Variants in MTO1 observed in about 807,000 individuals in gnomAD.
The protein encoded by MTO1 is mitochondrial tRNA translation optimization 1.
In MTO1, 46 loss-of-function variants were observed where a neutral mutation model predicts 71.6. That is an observed-to-expected ratio of 0.64 (90% CI 0.51 to 0.82). MTO1 has a LOEUF of 0.82. MTO1 is among the 40% of genes least tolerant of loss of function. MTO1 has a pLI of 0.00. For missense variants in MTO1, 773 were observed against 867.5 expected (o/e 0.89, Z 1.37); for synonymous variants, 297 against 312.1 (o/e 0.95, Z 0.51).
At chr6:73,466,468 A>G (rs1185999808) in intron 2 of MTO1, 21 bp from the exon 3 acceptor site, 4 of 1,613,350 alleles carry the variant, frequency 2.5e-6, no homozygotes, top group Non-Finnish European at 8.5e-7. Context: ...CCATGTTTCA[A>G]CTGGCATTTT....
In MTO1 at chr6:73,504,540, T is replaced by C. The variant is rs1040171431; in HGVS notation, c.*3805T>C. On this transcript the variant is annotated 3_prime_UTR_variant, in exon 12 of 12. Transcript: ENST00000498286. ...GCTTTTTAAATAGATTAATGAATAC[T>C]ACTAAAGGCAAGAAATGGTATTACT... 6.6e-6 allele frequency: 1 copy of C among 152,220 alleles called. No individual in the cohort carries two copies. The highest frequency in any genetic ancestry group is 1.5e-5 in the Non-Finnish European group (1 of 68,050). 9.4% of individuals were successfully genotyped at this position (152,220 alleles called of 1,614,324 possible).
At position 73,473,516 on chromosome 6, in the gene MTO1, G is replaced by T. The variant is rs748233496; in HGVS notation, c.687G>T (p.Gly229=). The T allele has an allele frequency of 2.5e-6, 4 of 1,614,038 alleles. No individual in the cohort carries two copies. The highest frequency in any genetic ancestry group is 1.7e-5 in the Admixed American group (1 of 59,986). Reference sequence around the variant, plus strand: ...TGGCTCAGACACTGGAGAAGTTAGGGTTTGTGGTGGGAAGGTTGAAGACTG... The same window carrying T: ...TGGCTCAGACACTGGAGAAGTTAGGTTTTGTGGTGGGAAGGTTGAAGACTG... ...IGLAQTLEKL[G]FVVGRLKTGT... Residue 229 remains glycine, a synonymous_variant, in exon 4 of 12, where the codon GGG becomes GGT. Transcript: ENST00000498286.
chr6:73,490,279 A>G (rs1195458116), intron 9 of MTO1, among the ~76,000 whole-genome samples: 1 of 151,980 alleles, frequency 6.6e-6, no homozygotes, highest in Non-Finnish European at 1.5e-5. Context: ...GCTGTGTATG[A>G]GCTCTTTAGT....
At chr6:73,484,854 A>G (rs544861648) in intron 9 of MTO1, among the ~76,000 whole-genome samples, 2 of 151,956 alleles carry the variant, frequency 1.3e-5, no homozygotes, top group African/African-American at 4.8e-5. Context: ...CCAGAAGTCA[A>G]GACCAGACAT....
At position 73,476,688 on chromosome 6, in the gene MTO1, T is replaced by A. The variant is rs1771332890; in HGVS notation, c.825+3034T>A. Among the ~76,000 whole-genome samples, 3 of 152,240 alleles carry A rather than the reference T, an allele frequency of 2.0e-5. No homozygotes were observed. In the East Asian group the frequency reaches 5.8e-4, roughly 29 times the overall value. The stretch of plus-strand genomic sequence containing the variant: ...AGTAAATTGCAGAGATGATGAGCTC[T>A]TACCTTAAGCCTATATCTCAACTAA... On this transcript the variant is annotated intron_variant, in intron 4 of 11. Transcript: ENST00000498286.
rs145625396 is a variant in MTO1, at chr6:73,461,903, A to G, written c.49A>G (p.Lys17Glu). The G allele has an allele frequency of 5.7e-5, 92 of 1,614,162 alleles. No homozygotes were observed. The African/African-American group carries it at 1.1e-3, about 19-fold the overall frequency. Residue 17 changes from lysine (K) to glutamate (E), a missense_variant, in exon 1 of 12, where the codon AAG (lysine) becomes GAG (glutamate). By Grantham distance (56) the Lys-to-Glu change is moderately conservative. Coordinates refer to ENST00000498286, the MANE Select transcript of MTO1 (RefSeq NM_012123.4). ...CCGTTGGGTCGCGGTTTCCTTCACCAAGCAGCAATTTCCGTTGGCACGGTT... is the reference window on the plus strand; with the variant it reads ...CCGTTGGGTCGCGGTTTCCTTCACCGAGCAGCAATTTCCGTTGGCACGGTT... ...CGRWVAVSFT[K>E]QQFPLARLSS...
chr6:73,493,380 G>A (rs1771881964), intron 10 of MTO1, among the ~76,000 whole-genome samples: 1 of 150,970 alleles, frequency 6.6e-6, no homozygotes, highest in Admixed American at 6.6e-5. Context: ...GTGTGTGTGT[G>A]TGTGTGTGTT....
intron 1 of MTO1, among the ~76,000 whole-genome samples, chr6:73,464,859 A>AAAC (rs1561938551): frequency 1.8e-4 from 25 of 135,872 alleles, no homozygotes; most frequent in African/African-American, 6.3e-4. Flanking sequence ...AAAAAAAAAA[A>AAAC]AACTTTTGGA....
intron 4 of MTO1, 44 bp downstream of exon 4, chr6:73,473,698 A>G (rs751268992): frequency 2.2e-5 from 30 of 1,380,776 alleles, no homozygotes; most frequent in African/African-American, 8.9e-5. Context: ...GGTATTGGCT[A>G]TTCACAGCAG....
Position 73,497,754 on chromosome 6 carries a change from TG to T in MTO1, c.1776del (p.Leu592PhefsTer8). ...LKIEATYESV[L>X]FHQLQEIKGV... is the part of the protein sequence containing the mutation. Reference sequence around the variant, plus strand: ...TGACCAGCCACTTATGAATCAGTGTTGTTCCATCAACTACAAGAAATAAAGG... The same window carrying T: ...TGACCAGCCACTTATGAATCAGTGTTTTCCATCAACTACAAGAAATAAAGG... On this transcript the variant is annotated frameshift_variant, in exon 11 of 12. Transcript: ENST00000498286. LOFTEE classifies it high-confidence loss of function. 6.2e-7 allele frequency: 1 copy of T among 1,613,954 alleles called. No homozygotes were observed. The highest frequency in any genetic ancestry group is 8.5e-7 in the Non-Finnish European group (1 of 1,179,870).
chr6:73,498,793 C>T (rs62438385), intron 11 of MTO1, among the ~76,000 whole-genome samples: 23,427 of 151,476 alleles, frequency 0.15, 1,875 homozygotes, highest in East Asian at 0.22. Flanking sequence ...GGAACGATCT[C>T]GGCTCACTGC....
At position 73,507,838 on chromosome 6, in the gene MTO1, G is replaced by C. The variant is rs1272265073; in HGVS notation, c.*7103G>C. The C allele has an allele frequency of 6.6e-6, 1 of 152,126 alleles. No homozygotes were observed. The highest frequency in any genetic ancestry group is 1.5e-5 in the Non-Finnish European group (1 of 68,022). 9.4% of individuals were successfully genotyped at this position (152,126 alleles called of 1,614,324 possible). ...TAAAAATACGAAAAATTAGCCGGGTGTGGTGGTGCGCGCCTGTAGTCCCAG... is the reference window on the plus strand; with the variant it reads ...TAAAAATACGAAAAATTAGCCGGGTCTGGTGGTGCGCGCCTGTAGTCCCAG... On this transcript the variant is annotated 3_prime_UTR_variant, in exon 12 of 12. Coordinates refer to ENST00000498286, the MANE Select transcript of MTO1 (RefSeq NM_012123.4).
At chr6:73,493,185 G>T (rs562384143) in intron 10 of MTO1, among the ~76,000 whole-genome samples, 2 of 151,460 alleles carry the variant, frequency 1.3e-5, no homozygotes, top group African/African-American at 4.9e-5. Flanking sequence ...TAGTGTTCAC[G>T]GGGTTTCACC....
At position 73,461,824 on chromosome 6, in the gene MTO1, G is replaced by A. The variant is rs1019326694; in HGVS notation, c.-31G>A. 1.2e-6 allele frequency: 2 copies of A among 1,600,428 alleles called. No homozygotes were observed. Among genetic ancestry groups the A allele is most frequent in the African/African-American group, 2.7e-5 (2 of 74,660 alleles). On this transcript the variant is annotated 5_prime_UTR_variant, in exon 1 of 12. Coordinates refer to ENST00000498286, the MANE Select transcript of MTO1 (RefSeq NM_012123.4). ...GTTTTTTTGACCGTCACTCGTGTCAGCTTCAAAGTCAGATAGATTTTTCTC... is the reference window on the plus strand; with the variant it reads ...GTTTTTTTGACCGTCACTCGTGTCAACTTCAAAGTCAGATAGATTTTTCTC...
Position 73,503,444 on chromosome 6 carries a change from GTTAAC to G in MTO1, c.*2714_*2718del, listed in dbSNP as rs1384621940. 6.6e-6 allele frequency: 1 copy of G among 152,174 alleles called. No individual in the cohort carries two copies. Among genetic ancestry groups the G allele is most frequent in the Non-Finnish European group, 1.5e-5 (1 of 68,038 alleles). The allele number at this position is 152,174 out of a possible 1,614,324, so 9.4% of individuals were successfully genotyped here. On this transcript the variant is annotated 3_prime_UTR_variant, in exon 12 of 12. Transcript: ENST00000498286. ...CTCTTTAAATCCACAATGTTTGTATGTTAACTTAAACAAAATTACATCACTTAATA... is the reference window on the plus strand; with the variant it reads ...CTCTTTAAATCCACAATGTTTGTATGTTAAACAAAATTACATCACTTAATA...
chr6:73,500,516 T>C, intron 11 of MTO1, 58 bp from the exon 12 acceptor site: 1 of 1,457,802 alleles, frequency 6.9e-7, no homozygotes, highest in Non-Finnish European at 9.3e-7. Flanking sequence ...TGGAGGAAAA[T>C]AGATTTGATT....
At chr6:73,498,778 G>A (rs1388407114) in intron 11 of MTO1, among the ~76,000 whole-genome samples, 1 of 151,550 alleles carries the variant, frequency 6.6e-6, no homozygotes, top group African/African-American at 2.4e-5. Context: ...AGGCTGGAGT[G>A]CAGTGGAACG....
intron 9 of MTO1, among the ~76,000 whole-genome samples, chr6:73,489,120 A>G (rs148132891): frequency 2.6e-5 from 4 of 152,274 alleles, no homozygotes; most frequent in African/African-American, 9.6e-5. Context: ...ATTTTTGTAT[A>G]TGACATAAGG....
chr6:73,475,751 A>T (rs532727580), intron 4 of MTO1, among the ~76,000 whole-genome samples: 114 of 152,088 alleles, frequency 7.5e-4, no homozygotes, highest in Middle Eastern at 6.8e-3. Flanking sequence ...ACCTCAGGTG[A>T]TCCGCCCGCC....
Sources: gnomAD v4.1 joint callset for allele counts (sites outside exome capture counted in the v4.1 genomes callset) on GRCh38, gnomAD v4.1.1 for gene constraint, MANE v1.5 for transcripts, NCBI Gene and HGNC (gene_info 2026-07-23, HGNC 2026-07-21) for gene names.